MINDY3: variants seen among roughly 807,000 people sequenced by gnomAD.
The protein encoded by MINDY3 is MINDY lysine 48 deubiquitinase 3, also known as ubiquitin carboxyl-terminal hydrolase MINDY-3.
A neutral mutation model predicts 69.2 loss-of-function variants in MINDY3; 38 were observed. The ratio of observed to expected loss-of-function variants is 0.55; its 90% CI spans 0.42 to 0.72. MINDY3 has a LOEUF of 0.72. Ranked by LOEUF, MINDY3 falls within the 30% of genes least tolerant of loss-of-function variation. MINDY3 has a pLI of 0.00. For missense variants in MINDY3, 522 were observed against 519.0 expected (o/e 1.01, Z -0.06); for synonymous variants, 192 against 180.1 (o/e 1.07, Z -0.53).
intron 8 of MINDY3, among the ~76,000 whole-genome samples, chr10:15,832,650 T>C (rs1363027580): frequency 6.6e-6 from 1 of 152,176 alleles, no homozygotes; most frequent in Non-Finnish European, 1.5e-5. Context: ...GTAAATAATT[T>C]TGCATATGAA....
intron 11 of MINDY3, among the ~76,000 whole-genome samples, chr10:15,790,613 ATTAGGT>A (rs1348316545): frequency 6.6e-6 from 1 of 152,138 alleles, no homozygotes; most frequent in African/African-American, 2.4e-5. Context: ...GACAGGAACA[ATTAGGT>A]TTCTGTGTTT....
intron 13 of MINDY3, among the ~76,000 whole-genome samples, chr10:15,785,926 T>G (rs899316782): frequency 6.6e-6 from 1 of 152,202 alleles, no homozygotes; most frequent in South Asian, 2.1e-4. Flanking sequence ...GACCATGATA[T>G]CTGTTATCTA....
intron 10 of MINDY3, among the ~76,000 whole-genome samples, chr10:15,801,909 T>C (rs1838287918): frequency 6.6e-6 from 1 of 151,758 alleles, no homozygotes; most frequent in Non-Finnish European, 1.5e-5. Flanking sequence ...TCAGAAGAAA[T>C]AACAGAAGAT....
rs1055007934 is a variant in MINDY3, at chr10:15,833,905, T to C, written c.651-196A>G. Reference sequence around the variant, plus strand: ...CACCAAATATATCAGCACAGTGGTATTTATTGTTCTACATATTCACATACA... The same window carrying C: ...CACCAAATATATCAGCACAGTGGTACTTATTGTTCTACATATTCACATACA... On this transcript the variant is annotated intron_variant, in intron 7 of 14. Coordinates refer to ENST00000277632, the MANE Select transcript of MINDY3 (RefSeq NM_024948.4). 3.3e-5 allele frequency among the ~76,000 whole-genome samples: 5 copies of C among 152,232 alleles called. No individual in the cohort carries two copies. In the South Asian group the frequency reaches 8.3e-4, roughly 25 times the overall value.
intron 8 of MINDY3, among the ~76,000 whole-genome samples, chr10:15,831,673 CTTTTTTTTT>C (rs10716234): frequency 9.1e-5 from 11 of 121,384 alleles, no homozygotes; most frequent in African/African-American, 2.7e-4. Context: ...GCCTCCTTTT[CTTTTTTTTT>C]TTTTTTTTTT....
chr10:15,780,432 C>T (rs896248334), intron 14 of MINDY3, among the ~76,000 whole-genome samples: 1 of 152,198 alleles, frequency 6.6e-6, no homozygotes, highest in African/African-American at 2.4e-5. Flanking sequence ...AAGTTATACA[C>T]AAAGAATATA....
intron 10 of MINDY3, among the ~76,000 whole-genome samples, chr10:15,803,064 T>C (rs757394012): frequency 6.6e-5 from 10 of 152,210 alleles, no homozygotes; most frequent in Non-Finnish European, 1.5e-4. Context: ...ACTGGCTTGC[T>C]TATTTTGACT....
Position 15,853,336 on chromosome 10 carries a change from C to T in MINDY3, c.95-5393G>A, listed in dbSNP as rs141133556. Reference sequence around the variant, plus strand: ...CTTTCAGGGGGCCCACTGGAAGTTACAATTATTTACATGATAAAACTAAGA... The same window carrying T: ...CTTTCAGGGGGCCCACTGGAAGTTATAATTATTTACATGATAAAACTAAGA... On this transcript the variant is annotated intron_variant, in intron 1 of 14. Transcript: ENST00000277632. Among the ~76,000 whole-genome samples the T allele has an allele frequency of 2.6e-3, 398 of 152,172 alleles. 1 individual carries two copies. The highest frequency in any genetic ancestry group is 9.1e-3 in the African/African-American group (379 of 41,538).
At chr10:15,827,493 G>A (rs1432171762) in intron 8 of MINDY3, among the ~76,000 whole-genome samples, 1 of 151,398 alleles carries the variant, frequency 6.6e-6, no homozygotes, top group Non-Finnish European at 1.5e-5. Flanking sequence ...CAGTGAGCCA[G>A]GATCGTGCCA....
chr10:15,838,176 A>G, intron 5 of MINDY3, 52 bp downstream of exon 5: 1 of 1,555,354 alleles, frequency 6.4e-7, no homozygotes, highest in Non-Finnish European at 8.7e-7. Context: ...ACAGACTTAA[A>G]GTGGCAATGT....
At chr10:15,850,294 A>T (rs1236089381) in intron 1 of MINDY3, among the ~76,000 whole-genome samples, 1 of 152,228 alleles carries the variant, frequency 6.6e-6, no homozygotes, top group South Asian at 2.1e-4. Context: ...TTTGAACAAT[A>T]TGAAATTTGG....
At chr10:15,811,424 T>G (rs1838991067) in intron 10 of MINDY3, among the ~76,000 whole-genome samples, 1 of 152,152 alleles carries the variant, frequency 6.6e-6, no homozygotes, top group South Asian at 2.1e-4. Flanking sequence ...CATCAACCAC[T>G]TGCCATCACA....
At chr10:15,840,125 CT>C (rs1833362634) in intron 4 of MINDY3, among the ~76,000 whole-genome samples, 1 of 151,540 alleles carries the variant, frequency 6.6e-6, no homozygotes, top group African/African-American at 2.4e-5. Flanking sequence ...TTTAAAATAC[CT>C]TTTCAAAAGA....
At chr10:15,823,751 A>G (rs1232625128) in intron 8 of MINDY3, among the ~76,000 whole-genome samples, 1 of 152,118 alleles carries the variant, frequency 6.6e-6, no homozygotes, top group Non-Finnish European at 1.5e-5. Context: ...ACTCCATGTT[A>G]CAGTATGTTT....
At chr10:15,841,785 C>T (rs1833487902) in intron 3 of MINDY3, among the ~76,000 whole-genome samples, 186 bp from the exon 4 acceptor site, 1 of 151,498 alleles carries the variant, frequency 6.6e-6, no homozygotes, top group South Asian at 2.1e-4. Context: ...AAAATATCAC[C>T]ACTTTAAATA....
chr10:15,805,194 G>C (rs1342149208), intron 10 of MINDY3, among the ~76,000 whole-genome samples: 2 of 152,058 alleles, frequency 1.3e-5, no homozygotes, highest in East Asian at 3.9e-4. Context: ...CTTGAAGTTA[G>C]ACGACGTTCT....
At chr10:15,823,070 ACT>A (rs568991780) in intron 8 of MINDY3, among the ~76,000 whole-genome samples, 163 of 152,224 alleles carry the variant, frequency 1.1e-3, no homozygotes, top group African/African-American at 3.8e-3. Flanking sequence ...AAGAATATTA[ACT>A]CTGTTATTTT....
chr10:15,832,517 A>G (rs1459987148), intron 8 of MINDY3, among the ~76,000 whole-genome samples: 1 of 152,162 alleles, frequency 6.6e-6, no homozygotes, highest in Non-Finnish European at 1.5e-5. Context: ...GAATAGGATG[A>G]TCTCAATTAA....
intron 10 of MINDY3, among the ~76,000 whole-genome samples, chr10:15,809,634 C>A (rs941939163): frequency 1.7e-4 from 26 of 152,092 alleles, no homozygotes; most frequent in African/African-American, 6.3e-4. Flanking sequence ...TCACCTCACC[C>A]GTATCCTCTT....
Sources: allele counts gnomAD v4.1 joint callset (sites outside exome capture counted in the v4.1 genomes callset), GRCh38; gene constraint gnomAD v4.1.1; transcripts MANE v1.5; gene names NCBI Gene and HGNC (gene_info 2026-07-23, HGNC 2026-07-21).